EXOC4: variants seen among roughly 807,000 people sequenced by gnomAD.
EXOC4 encodes the protein SEC8-like 1.
Under a neutral mutation model 107.2 loss-of-function variants are expected in EXOC4, and 71 were observed. That is an observed-to-expected ratio of 0.66 (90% CI 0.55 to 0.81). The LOEUF is 0.81. Among genes scored for constraint, EXOC4 ranks in the 30% least tolerant of loss-of-function variants. The probability of loss-of-function intolerance (pLI) is 0.00; values close to 1 mark genes in which losing one functional copy is unlikely to be tolerated. For synonymous variants in EXOC4, 456 were observed against 441.2 expected (o/e 1.03, Z -0.42); for missense variants, 1,108 against 1,189.6 (o/e 0.93, Z 1.01).
In EXOC4 at chr7:133,336,714, ATTTTATTTTATTTAT is replaced by A. The variant is rs1322749540; in HGVS notation, c.763+19328_763+19342del. Reference sequence around the variant, plus strand: ...TATTTATTTTATTTTATTTTATTTTATTTTATTTTATTTATTTTATTTTATTTTATTTTACTTAGA... The same window carrying A: ...TATTTATTTTATTTTATTTTATTTTATTTATTTTATTTTATTTTACTTAGA... On this transcript the variant is annotated intron_variant, in intron 5 of 17. Coordinates refer to ENST00000253861, the MANE Select transcript of EXOC4 (RefSeq NM_021807.4). Among the ~76,000 whole-genome samples the A allele has an allele frequency of 2.0e-3, 122 of 60,566 alleles. No individual in the cohort carries two copies. In the South Asian group the frequency reaches 0.053, roughly 26 times the overall value. The allele number at this position is 60,566 out of a possible 152,430, so 39.7% of individuals were successfully genotyped here.
intron 4 of EXOC4, among the ~76,000 whole-genome samples, chr7:133,312,867 A>G (rs1794905848): frequency 6.6e-6 from 1 of 152,060 alleles, no homozygotes; most frequent in Admixed American, 6.6e-5. Context: ...GAAAGAATTT[A>G]CACCTTTATA....
intron 14 of EXOC4, among the ~76,000 whole-genome samples, chr7:133,994,347 T>G (rs1411074518): frequency 6.6e-6 from 1 of 152,058 alleles, no homozygotes; most frequent in Non-Finnish European, 1.5e-5. Context: ...ACCATGCCTA[T>G]CGGGGGGAGG....
chr7:133,619,101 G>C (rs1253074280), intron 9 of EXOC4, among the ~76,000 whole-genome samples: 6 of 152,154 alleles, frequency 3.9e-5, no homozygotes, highest in African/African-American at 1.2e-4. Context: ...AAAGCCACCT[G>C]TGCCTCAGTA....
At chr7:133,571,820 G>A (rs934566995) in intron 9 of EXOC4, among the ~76,000 whole-genome samples, 6 of 152,206 alleles carry the variant, frequency 3.9e-5, no homozygotes, top group Non-Finnish European at 8.8e-5. Context: ...GGGTCCTGAC[G>A]TGGTGAAAGG....
At chr7:133,907,668 A>G (rs10236499) in intron 12 of EXOC4, among the ~76,000 whole-genome samples, 70,092 of 151,780 alleles carry the variant, frequency 0.46, 17,556 homozygotes, top group African/African-American at 0.65. Context: ...GTAAAACCCC[A>G]TCTCTACTAA....
At chr7:133,787,963 T>TTATTTATATATATA (rs869118669) in intron 10 of EXOC4, among the ~76,000 whole-genome samples, 1 of 40,980 alleles carries the variant, frequency 2.4e-5, no homozygotes, top group Non-Finnish European at 4.5e-5. Flanking sequence ...ATTTATATAT[T>TTATTTATATATATA]TATATATATA....
chr7:133,722,934 T>A (rs1179438518), intron 10 of EXOC4, among the ~76,000 whole-genome samples: 1 of 152,230 alleles, frequency 6.6e-6, no homozygotes, highest in Non-Finnish European at 1.5e-5. Flanking sequence ...AAACTACTCT[T>A]AACCTTTTCT....
chr7:133,798,642 A>G (rs1227328074), intron 10 of EXOC4, among the ~76,000 whole-genome samples: 3 of 152,160 alleles, frequency 2.0e-5, no homozygotes, highest in Admixed American at 2.0e-4. Context: ...AAAGTGCCAC[A>G]GTTAAATATC....
chr7:134,093,401 T>C, the EXOC4 span, among the ~76,000 whole-genome samples: 1 of 152,140 alleles, frequency 6.6e-6, no homozygotes, highest in Non-Finnish European at 1.5e-5. Context: ...GCACCCAACA[T>C]TGAAGCACCC....
chr7:133,689,881 C>CA (rs1794383885), intron 10 of EXOC4, among the ~76,000 whole-genome samples: 1 of 152,178 alleles, frequency 6.6e-6, no homozygotes, highest in African/African-American at 2.4e-5. Context: ...TAGAATCAAG[C>CA]AATGCCTCAT....
intron 7 of EXOC4, among the ~76,000 whole-genome samples, chr7:133,379,438 T>C (rs1149554): frequency 0.97 from 147,612 of 152,104 alleles, 71,787 homozygotes; most frequent in East Asian, 1. Context: ...TAAAATTAAA[T>C]GTATGAGAAT....
intron 14 of EXOC4, among the ~76,000 whole-genome samples, chr7:133,963,953 G>T (rs932766556): frequency 1.8e-4 from 27 of 152,162 alleles, no homozygotes; most frequent in African/African-American, 6.5e-4. Flanking sequence ...GAAGAAAGGA[G>T]TAGTTCATCT....
chr7:133,503,224 T>A (rs928467245), intron 9 of EXOC4, among the ~76,000 whole-genome samples: 2 of 152,120 alleles, frequency 1.3e-5, no homozygotes, highest in Admixed American at 6.6e-5. Flanking sequence ...CTCCTAGCAT[T>A]GGTTTCTCTA....
At chr7:133,595,948 T>C (rs1023254077) in intron 9 of EXOC4, among the ~76,000 whole-genome samples, 35 of 152,208 alleles carry the variant, frequency 2.3e-4, no homozygotes, top group African/African-American at 8.4e-4. Flanking sequence ...CTGGCACCCC[T>C]GTCTGCCTGT....
At chr7:133,715,288 C>T (rs1407519355) in intron 10 of EXOC4, among the ~76,000 whole-genome samples, 1 of 152,210 alleles carries the variant, frequency 6.6e-6, no homozygotes, top group African/African-American at 2.4e-5. Context: ...GCTGGGACTA[C>T]AGTTGTGCCC....
At chr7:134,048,210 G>A (rs940270932) in intron 17 of EXOC4, among the ~76,000 whole-genome samples, 1 of 152,188 alleles carries the variant, frequency 6.6e-6, no homozygotes, top group African/African-American at 2.4e-5. Context: ...TAACAATAGT[G>A]ATGTTATCCC....
chr7:133,423,225 CCAAAAAAAAA>C lies in EXOC4; in HGVS notation c.1182+48224_1182+48233del, dbSNP rs1797643470. Among the ~76,000 whole-genome samples the C allele has an allele frequency of 1.6e-4, 2 of 12,158 alleles. 1 individual carries two copies. Among genetic ancestry groups the C allele is most frequent in the Admixed American group, 2.4e-3 (2 of 844 alleles). 8.0% of individuals were successfully genotyped at this position (12,158 alleles called of 152,430 possible). A position where few individuals can be genotyped will look rare whatever the true frequency, so the allele number is the denominator to read the frequency against. On this transcript the variant is annotated intron_variant, in intron 7 of 17. Transcript: ENST00000253861. Reference sequence around the variant, plus strand: ...TGGGCGACAGAGCGAGACTCCGTCTCCAAAAAAAAAAAAAAAAAAAAAAAAAATAGAATTA... The same window carrying C: ...TGGGCGACAGAGCGAGACTCCGTCTCAAAAAAAAAAAAAAAAATAGAATTA...
chr7:133,962,209 T>C (rs1800962410), intron 14 of EXOC4, among the ~76,000 whole-genome samples: 2 of 152,168 alleles, frequency 1.3e-5, no homozygotes, highest in Admixed American at 6.5e-5. Flanking sequence ...TTGAAGAACA[T>C]ACTTACTGTG....
intron 1 of EXOC4, chr7:133,254,071 A>C (rs1794956972): frequency 6.6e-6 from 1 of 152,016 alleles, no homozygotes; most frequent in Non-Finnish European, 1.5e-5. Flanking sequence ...TTCCCCACCT[A>C]TACTAAACTT....
Sources: gnomAD v4.1 joint callset for allele counts (sites outside exome capture counted in the v4.1 genomes callset) on GRCh38, gnomAD v4.1.1 for gene constraint, MANE v1.5 for transcripts, NCBI Gene and HGNC (gene_info 2026-07-23, HGNC 2026-07-21) for gene names.